The following DPP6 variants were observed in gnomAD, a reference collection of about 807,000 sequenced individuals.
DPP6 encodes the protein dipeptidyl peptidase like 6, also known as A-type potassium channel modulatory protein DPP6.
In DPP6, 69 loss-of-function variants were observed where a neutral mutation model predicts 122.6. The observed-to-expected ratio is 0.56, with a 90% CI of 0.46 to 0.69. DPP6 has a LOEUF of 0.69. Ranked by LOEUF, DPP6 falls within the 30% of genes least tolerant of loss-of-function variation. The pLI, the probability that DPP6 is intolerant of heterozygous loss-of-function variation, is 0.00. For missense variants in DPP6, 928 were observed against 1,116.9 expected (o/e 0.83, Z 2.41); for synonymous variants, 418 against 433.1 (o/e 0.97, Z 0.43).
intron 1 of DPP6, among the ~76,000 whole-genome samples, chr7:154,253,061 G>A (rs1314564759): frequency 1.3e-5 from 2 of 152,346 alleles, no homozygotes; most frequent in African/African-American, 4.8e-5. Context: ...TAAACATTCT[G>A]TGCAGAGTAA....
chr7:154,369,372 T>C (rs1173789031), intron 1 of DPP6, among the ~76,000 whole-genome samples: 2 of 152,190 alleles, frequency 1.3e-5, no homozygotes, highest in Non-Finnish European at 2.9e-5. Context: ...CAACTGTTTA[T>C]TTATTTATTT....
chr7:154,317,927 C>A (rs1403119532), intron 1 of DPP6, among the ~76,000 whole-genome samples: 2 of 152,158 alleles, frequency 1.3e-5, no homozygotes, highest in Admixed American at 1.3e-4. Flanking sequence ...ATTTTGCGAA[C>A]CTCATGGCTT....
chr7:154,597,634 A>G (rs2130761566), intron 5 of DPP6, among the ~76,000 whole-genome samples: 1 of 151,816 alleles, frequency 6.6e-6, no homozygotes, highest in East Asian at 1.9e-4. Flanking sequence ...TGAGTAGTAT[A>G]TTACTTTGCT....
At chr7:154,575,343 ATGTGTGTGTGG>A (rs1238756013) in intron 5 of DPP6, among the ~76,000 whole-genome samples, 3 of 27,298 alleles carry the variant, frequency 1.1e-4, no homozygotes, top group African/African-American at 5.1e-4. Flanking sequence ...TGGTGTGTGT[ATGTGTGTGTGG>A]TGTGTGTGTG....
chr7:154,267,666 A>G lies in DPP6; in HGVS notation c.244-178548A>G, dbSNP rs561183789. ...CACATATATGCACACATACATATAT[A>G]TGTGTGTGTATATATTTATCCCTTA... On this transcript the variant is annotated intron_variant, in intron 1 of 25. Coordinates refer to ENST00000377770, the MANE Select transcript of DPP6 (RefSeq NM_130797.4). 2.7e-4 allele frequency among the ~76,000 whole-genome samples: 40 copies of G among 150,156 alleles called. 1 individual carries two copies. The South Asian group carries it at 3.8e-3, about 14-fold the overall frequency.
chr7:153,901,804 G>T (rs1221258340), intron 1 of DPP6, among the ~76,000 whole-genome samples: 1 of 151,978 alleles, frequency 6.6e-6, no homozygotes, highest in Non-Finnish European at 1.5e-5. Flanking sequence ...TTGTTACATG[G>T]TCTTGCCACA....
intron 17 of DPP6, among the ~76,000 whole-genome samples, chr7:154,858,864 G>T (rs921828943): frequency 6.6e-6 from 1 of 152,310 alleles, no homozygotes; most frequent in African/African-American, 2.4e-5. Flanking sequence ...GAATGTAATC[G>T]TAGCAGCAGT....
At chr7:154,667,361 T>C (rs1444027373) in intron 6 of DPP6, among the ~76,000 whole-genome samples, 2 of 152,196 alleles carry the variant, frequency 1.3e-5, no homozygotes, top group Non-Finnish European at 2.9e-5. Flanking sequence ...TTTTGAGTCA[T>C]CAAAGCTTTT....
chr7:154,735,632 A>G (rs1418859444), intron 8 of DPP6, among the ~76,000 whole-genome samples: 1 of 152,156 alleles, frequency 6.6e-6, no homozygotes, highest in African/African-American at 2.4e-5. Flanking sequence ...AGAACATGTT[A>G]ATTTTACCTT....
intron 1 of DPP6, among the ~76,000 whole-genome samples, chr7:154,153,926 T>C (rs1349110806): frequency 6.6e-6 from 1 of 152,154 alleles, no homozygotes; most frequent in African/African-American, 2.4e-5. Context: ...TCAAACCCAA[T>C]GACACCAACA....
chr7:154,883,132 CACACATGCTCACCCAT>C (rs1431894821), intron 21 of DPP6, among the ~76,000 whole-genome samples: 1 of 151,056 alleles, frequency 6.6e-6, no homozygotes, highest in Non-Finnish European at 1.5e-5. Flanking sequence ...CACACATACA[CACACATGCTCACCCAT>C]ACACATGCTC....
the DPP6 span, among the ~76,000 whole-genome samples, chr7:153,841,079 G>A: frequency 3.3e-5 from 5 of 152,158 alleles, no homozygotes; most frequent in East Asian, 1.9e-4. Context: ...ACCTGTCAGC[G>A]GCCTGCGGTT....
chr7:154,237,196 T>C (rs1801274962), intron 1 of DPP6, among the ~76,000 whole-genome samples: 1 of 152,214 alleles, frequency 6.6e-6, no homozygotes, highest in African/African-American at 2.4e-5. Flanking sequence ...TTTTGTCCTA[T>C]AGTCCTTAAA....
At chr7:153,852,552 A>C in the DPP6 span, among the ~76,000 whole-genome samples, 1 of 151,842 alleles carries the variant, frequency 6.6e-6, no homozygotes. Context: ...GATTCAATCA[A>C]CTCCCACCAG....
intron 1 of DPP6, among the ~76,000 whole-genome samples, chr7:154,125,709 T>C (rs1437037875): frequency 6.6e-6 from 1 of 152,210 alleles, no homozygotes; most frequent in East Asian, 1.9e-4. Context: ...GGATGACCCC[T>C]GTGGCTAGAG....
intron 1 of DPP6, among the ~76,000 whole-genome samples, chr7:154,205,634 C>T (rs182176383): frequency 6.6e-6 from 1 of 152,234 alleles, no homozygotes; most frequent in African/African-American, 2.4e-5. Context: ...GTGTCATGCC[C>T]AGGGATCACC....
upstream of DPP6, among the ~76,000 whole-genome samples, chr7:153,884,393 C>G (rs1798837924): frequency 5.3e-5 from 8 of 152,208 alleles, no homozygotes; most frequent in South Asian, 1.7e-3. Flanking sequence ...GCCACATTTT[C>G]TTAATCCAGT....
intron 1 of DPP6, among the ~76,000 whole-genome samples, chr7:154,262,802 T>C (rs1225971588): frequency 6.6e-6 from 1 of 152,170 alleles, no homozygotes; most frequent in Non-Finnish European, 1.5e-5. Flanking sequence ...TTTTAGTAAT[T>C]TTTTTGTGGC....
At chr7:154,532,461 G>A (rs1257837852) in intron 3 of DPP6, among the ~76,000 whole-genome samples, 2 of 151,854 alleles carry the variant, frequency 1.3e-5, no homozygotes, top group African/African-American at 4.8e-5. Context: ...TAAAAGTGAA[G>A]CAAAAAGAAG....
Sources: allele counts gnomAD v4.1 joint callset (sites outside exome capture counted in the v4.1 genomes callset), GRCh38; gene constraint gnomAD v4.1.1; transcripts MANE v1.5; gene names NCBI Gene and HGNC (gene_info 2026-07-23, HGNC 2026-07-21).